RYR2: variants seen among roughly 807,000 people sequenced by gnomAD.
The protein encoded by RYR2 is ryanodine receptor 2, also known as cardiac muscle ryanodine receptor-calcium release channel.
In RYR2, 227 loss-of-function variants were observed where a neutral mutation model predicts 601.1. The ratio of observed to expected loss-of-function variants is 0.38; its 90% confidence interval spans 0.34 to 0.42. RYR2 has a LOEUF of 0.42. Among genes scored for constraint, RYR2 ranks in the 10% least tolerant of loss-of-function variants. The pLI is 1.00. For missense variants in RYR2, 4,646 were observed against 6,156.5 expected, an observed-to-expected ratio of 0.75 and a Z score of 8.21; for synonymous variants, 2,223 against 2,175.1, an observed-to-expected ratio of 1.02 and a Z score of -0.61.
chr1:237,792,143 C>A lies in RYR2; in HGVS notation c.13602C>A (p.Pro4534=). The change falls in exon 94 of 105, where the codon CCC becomes CCA. Residue 4534 remains proline (P), a synonymous_variant. Coordinates refer to ENST00000366574, the MANE Select transcript of RYR2 (RefSeq NM_001035.3). ...TSSVVEGKEL[P]TRSSSENAKV... ...CTGTGGTTGAAGGAAAGGAGCTCCC[C>A]ACGAGAAGTTCAAGTGAAAATGCCA... 1 of 1,607,650 alleles carries A rather than the reference C, an allele frequency of 6.2e-7. No individual in the cohort carries two copies.
intron 1 of RYR2, among the ~76,000 whole-genome samples, chr1:237,238,860 A>T (rs922214731): frequency 1.3e-5 from 2 of 152,184 alleles, no homozygotes; most frequent in Non-Finnish European, 2.9e-5. Context: ...TAAGTAGATC[A>T]TTTGTGGAAA....
At chr1:237,801,541 C>A (rs377167776) in intron 97 of RYR2, among the ~76,000 whole-genome samples, 1,001 of 105,576 alleles carry the variant, frequency 9.5e-3, no homozygotes, top group Middle Eastern at 0.015. Context: ...AACTCTGTCT[C>A]AAAAAAAAAA....
intron 1 of RYR2, among the ~76,000 whole-genome samples, chr1:237,046,352 C>T (rs1353525896): frequency 1.3e-5 from 2 of 152,140 alleles, no homozygotes; most frequent in Non-Finnish European, 2.9e-5. Flanking sequence ...TCTTTATCTG[C>T]TGTTCAAGTA....
intron 27 of RYR2, among the ~76,000 whole-genome samples, chr1:237,552,480 G>A (rs769451511): frequency 2.6e-5 from 4 of 151,948 alleles, no homozygotes; most frequent in Non-Finnish European, 4.4e-5. Context: ...GAAACAAAAG[G>A]AACCACTACC....
intron 2 of RYR2, among the ~76,000 whole-genome samples, chr1:237,275,898 A>G (rs1690236403): frequency 6.6e-6 from 1 of 152,180 alleles, no homozygotes; most frequent in South Asian, 2.1e-4. Context: ...CAGCCCCCTA[A>G]AAAATAAAAA....
intron 29 of RYR2, among the ~76,000 whole-genome samples, chr1:237,573,231 TACAC>T (rs10556537): frequency 0.26 from 38,697 of 148,704 alleles, 5,043 homozygotes; most frequent in Middle Eastern, 0.39. Flanking sequence ...GATATACACA[TACAC>T]ACACACACAC....
At chr1:237,634,368 A>C (rs887149296) in intron 43 of RYR2, among the ~76,000 whole-genome samples, 1 of 152,180 alleles carries the variant, frequency 6.6e-6, no homozygotes. Context: ...GTGTAGAAAG[A>C]CAAAAACCAC....
In RYR2 at chr1:237,623,907, A is replaced by C. The variant is rs1349426865; in HGVS notation, c.6022+37A>C. 3.7e-6 allele frequency: 5 copies of C among 1,359,942 alleles called. No individual in the cohort carries two copies. The Admixed American group carries it at 8.5e-5, about 23-fold the overall frequency. 84.2% of individuals were successfully genotyped at this position (1,359,942 alleles called of 1,614,324 possible). A position where few individuals can be genotyped will look rare whatever the true frequency, so the allele number is the denominator to read the frequency against. On this transcript the variant is annotated intron_variant, in intron 39 of 104. Coordinates refer to ENST00000366574, the MANE Select transcript of RYR2 (RefSeq NM_001035.3). ...TTGATTAAAAGCTTTTATTAATTGT[A>C]TGTTTTTAATCCATATATCCTGAGA...
intron 10 of RYR2, among the ~76,000 whole-genome samples, chr1:237,410,626 TG>T (rs535983756): frequency 2.0e-5 from 3 of 152,314 alleles, no homozygotes; most frequent in South Asian, 4.1e-4. Flanking sequence ...AATTAAATAA[TG>T]AGACAGAGAC....
At chr1:237,682,850 A>G (rs1379639439) in intron 62 of RYR2, among the ~76,000 whole-genome samples, 2 of 152,226 alleles carry the variant, frequency 1.3e-5, no homozygotes, top group Non-Finnish European at 2.9e-5. Flanking sequence ...GCATAATAAA[A>G]GTAACTTATG....
chr1:237,318,058 T>A (rs1484045612), intron 2 of RYR2, among the ~76,000 whole-genome samples: 1 of 152,198 alleles, frequency 6.6e-6, no homozygotes, highest in East Asian at 1.9e-4. Flanking sequence ...TGCAGAATAG[T>A]GTGCCATTTT....
intron 25 of RYR2, among the ~76,000 whole-genome samples, chr1:237,537,878 T>C (rs1668812878): frequency 6.6e-6 from 1 of 152,156 alleles, no homozygotes; most frequent in East Asian, 1.9e-4. Context: ...CAACTTCAAA[T>C]TCAGAGTAAT....
intron 61 of RYR2, among the ~76,000 whole-genome samples, chr1:237,678,387 T>C (rs1286503957): frequency 3.3e-5 from 5 of 152,188 alleles, no homozygotes; most frequent in Non-Finnish European, 7.4e-5. Context: ...TCATATGATA[T>C]GGAATAAAAA....
intron 1 of RYR2, among the ~76,000 whole-genome samples, chr1:237,259,833 G>A (rs890138864): frequency 6.6e-5 from 10 of 152,102 alleles, no homozygotes; most frequent in East Asian, 3.9e-4. Flanking sequence ...ACAGTTACAC[G>A]GTAGTTCAAA....
At chr1:237,681,643 TC>T (rs1685892394) in intron 62 of RYR2, among the ~76,000 whole-genome samples, 1 of 152,222 alleles carries the variant, frequency 6.6e-6, no homozygotes, top group Non-Finnish European at 1.5e-5. Flanking sequence ...GTGCTTTGTT[TC>T]CACAAATTGC....
chr1:237,190,833 A>G (rs1180777448), intron 1 of RYR2, among the ~76,000 whole-genome samples: 1 of 152,206 alleles, frequency 6.6e-6, no homozygotes, highest in African/African-American at 2.4e-5. Flanking sequence ...TGACTATATA[A>G]GATTTGCAAA....
rs1473393324 is a variant in RYR2 at position 237,168,112 on chromosome 1, G to A, written c.49-102385G>A. ...TAATCCTGGAGCTTGGGCTATCACAGTGTGTCTTGGAAAAGGCCTGTAGTG... is the reference window on the plus strand; with the variant it reads ...TAATCCTGGAGCTTGGGCTATCACAATGTGTCTTGGAAAAGGCCTGTAGTG... On this transcript the variant is annotated intron_variant, in intron 1 of 104. Coordinates refer to ENST00000366574, the MANE Select transcript of RYR2 (RefSeq NM_001035.3). Among the ~76,000 whole-genome samples, 3 of 152,156 alleles carry A rather than the reference G, an allele frequency of 2.0e-5. No homozygotes were observed. The East Asian group carries it at 5.8e-4, about 29-fold the overall frequency.
intron 10 of RYR2, among the ~76,000 whole-genome samples, chr1:237,412,120 A>G (rs1037679221): frequency 3.9e-5 from 6 of 152,266 alleles, no homozygotes; most frequent in African/African-American, 1.4e-4. Context: ...CCTAGCTGTC[A>G]AAGTGCCTGC....
chr1:237,466,996 T>G (rs1026075350), intron 16 of RYR2, among the ~76,000 whole-genome samples: 1 of 151,562 alleles, frequency 6.6e-6, no homozygotes, highest in African/African-American at 2.4e-5. Context: ...TTAATGAACT[T>G]TTCTTTGTGG....
Sources: allele counts gnomAD v4.1 joint callset (sites outside exome capture counted in the v4.1 genomes callset), GRCh38; gene constraint gnomAD v4.1.1; transcripts MANE v1.5; gene names NCBI Gene and HGNC (gene_info 2026-07-23, HGNC 2026-07-21).